LINGO2: variants seen among roughly 807,000 people sequenced by gnomAD.
LINGO2 encodes leucine-rich repeat and immunoglobulin-like domain-containing nogo receptor-interacting protein 2.
In LINGO2, 14 loss-of-function variants were observed where a neutral mutation model predicts 30.6. The ratio of observed to expected loss-of-function variants is 0.46; its 90% CI spans 0.30 to 0.72. The LOEUF is 0.72. LINGO2 is among the 30% of genes least tolerant of loss of function. The pLI, the probability that LINGO2 is intolerant of heterozygous loss-of-function variation, is 0.07. For synonymous variants in LINGO2, 317 were observed against 288.5 expected (o/e 1.10, Z -1.00); for missense variants, 729 against 751.7 (o/e 0.97, Z 0.35).
intron 5 of LINGO2, among the ~76,000 whole-genome samples, chr9:27,982,661 C>T (rs1820936452): frequency 6.6e-6 from 1 of 151,786 alleles, no homozygotes; most frequent in Non-Finnish European, 1.5e-5. Flanking sequence ...GATGTTAAAA[C>T]TGAGTAATCT....
At chr9:28,415,983 C>A (rs149747005) in intron 2 of LINGO2, among the ~76,000 whole-genome samples, 1 of 152,126 alleles carries the variant, frequency 6.6e-6, no homozygotes, top group East Asian at 1.9e-4. Flanking sequence ...ATACAATACA[C>A]CTTATTAAAC....
At chr9:28,628,959 G>C (rs573957581) in intron 1 of LINGO2, among the ~76,000 whole-genome samples, 1 of 151,992 alleles carries the variant, frequency 6.6e-6, no homozygotes, top group Admixed American at 6.6e-5. Flanking sequence ...TTTACCATTC[G>C]TAAAAGCATA....
At chr9:29,195,214 C>A in the LINGO2 span, among the ~76,000 whole-genome samples, 1 of 152,226 alleles carries the variant, frequency 6.6e-6, no homozygotes, top group Non-Finnish European at 1.5e-5. Context: ...CTCTTTTTAT[C>A]GCTGAGTTGT....
chr9:29,165,097 T>C, the LINGO2 span, among the ~76,000 whole-genome samples: 1 of 152,166 alleles, frequency 6.6e-6, no homozygotes, highest in East Asian at 1.9e-4. Context: ...TTCAAAGAAC[T>C]ACTAAGAAAA....
intron 5 of LINGO2, among the ~76,000 whole-genome samples, chr9:27,978,102 T>A (rs781486729): frequency 6.6e-6 from 1 of 152,192 alleles, no homozygotes; most frequent in South Asian, 2.1e-4. Context: ...CTGTGTGGGT[T>A]CTTTGTCCTT....
intron 1 of LINGO2, among the ~76,000 whole-genome samples, chr9:28,539,633 C>T (rs2135456247): frequency 1.3e-5 from 2 of 152,276 alleles, no homozygotes; most frequent in South Asian, 4.1e-4. Context: ...TACTGTGACT[C>T]ATACCAATAA....
the LINGO2 span, among the ~76,000 whole-genome samples, chr9:29,127,585 T>A: frequency 1.3e-5 from 2 of 152,084 alleles, no homozygotes; most frequent in African/African-American, 2.4e-5. Flanking sequence ...CTGACCATCA[T>A]CATCAGGTTC....
intron 1 of LINGO2, among the ~76,000 whole-genome samples, chr9:28,632,999 A>G (rs1225445523): frequency 1.3e-5 from 2 of 150,908 alleles, no homozygotes; most frequent in Admixed American, 6.7e-5. Flanking sequence ...CCAGCCCGAG[A>G]GCCAGCCCAA....
intron 4 of LINGO2, among the ~76,000 whole-genome samples, chr9:28,066,960 T>G (rs1356470476): frequency 1.3e-5 from 2 of 152,076 alleles, no homozygotes; most frequent in Non-Finnish European, 2.9e-5. Context: ...AAGCCTATTA[T>G]AAAATTCTAC....
At chr9:28,779,197 C>A in the LINGO2 span, among the ~76,000 whole-genome samples, 2 of 152,106 alleles carry the variant, frequency 1.3e-5, no homozygotes, top group Non-Finnish European at 1.5e-5. Flanking sequence ...TATTTCATTT[C>A]TTTAATATGT....
rs188359982 is a variant in LINGO2 at position 28,189,224 on chromosome 9, G to C, written c.-87+105984C>G. 4.2e-4 allele frequency among the ~76,000 whole-genome samples: 61 copies of C among 146,756 alleles called. 2 individuals carry two copies. Among genetic ancestry groups the C allele is most frequent in the Middle Eastern group, 7.0e-3 (2 of 284 alleles). ...TTTTTCTACCATATTAGGAAGGAAA[G>C]AAGGAAGGAAAAAAGGAAGGGAGGA... On this transcript the variant is annotated intron_variant, in intron 4 of 5. Coordinates refer to ENST00000379992, the Ensembl canonical transcript of LINGO2.
intron 1 of LINGO2, among the ~76,000 whole-genome samples, chr9:28,562,962 T>C (rs1467336632): frequency 6.6e-6 from 1 of 152,086 alleles, no homozygotes; most frequent in Non-Finnish European, 1.5e-5. Flanking sequence ...TTATCCTGCC[T>C]CAGCCTCCCA....
chr9:28,019,929 A>G (rs963484481), intron 4 of LINGO2, among the ~76,000 whole-genome samples: 2 of 152,104 alleles, frequency 1.3e-5, no homozygotes, highest in Admixed American at 6.6e-5. Context: ...AACTTAGCCA[A>G]TCTTCAGAAT....
At chr9:28,955,840 G>C in the LINGO2 span, among the ~76,000 whole-genome samples, 1 of 152,004 alleles carries the variant, frequency 6.6e-6, no homozygotes, top group East Asian at 1.9e-4. Flanking sequence ...ATAAGGTCTT[G>C]CTATGTTTCC....
At chr9:28,606,334 C>A (rs1252576517) in intron 1 of LINGO2, among the ~76,000 whole-genome samples, 1 of 151,898 alleles carries the variant, frequency 6.6e-6, no homozygotes, top group Non-Finnish European at 1.5e-5. Flanking sequence ...AGATGTCTAC[C>A]TGCTGGTGAG....
chr9:28,771,504 T>TGA, the LINGO2 span, among the ~76,000 whole-genome samples: 303 of 74,456 alleles, frequency 4.1e-3, 1 homozygote, highest in African/African-American at 0.012. Context: ...TGTGTGTGTG[T>TGA]GTGAGAGAGA....
chr9:29,014,586 T>A, the LINGO2 span, among the ~76,000 whole-genome samples: 4 of 152,218 alleles, frequency 2.6e-5, no homozygotes, highest in African/African-American at 9.6e-5. Context: ...AAAGAATAAG[T>A]GTTTTGCTCA....
rs1429462853 is a variant in LINGO2 at position 28,664,943 on chromosome 9, CA to C, written c.-365+5256del. 2.1e-5 allele frequency among the ~76,000 whole-genome samples: 3 copies of C among 144,852 alleles called. No individual in the cohort carries two copies. The East Asian group carries it at 6.3e-4, about 30-fold the overall frequency. On this transcript the variant is annotated intron_variant, in intron 1 of 5. Transcript: ENST00000379992. ...CCACACCAAAACTACCCATCTAGAA[CA>C]TAAGGTCTATGACAACAAGGACTTC...
At chr9:28,476,336 C>T (rs892365104) in intron 1 of LINGO2, among the ~76,000 whole-genome samples, 2 of 152,172 alleles carry the variant, frequency 1.3e-5, no homozygotes, top group African/African-American at 4.8e-5. Context: ...AGTGCAGTGA[C>T]ACAATGTCTG....
Sources: gnomAD v4.1 joint callset for allele counts (sites outside exome capture counted in the v4.1 genomes callset) on GRCh38, gnomAD v4.1.1 for gene constraint, MANE v1.5 for transcripts, NCBI Gene and HGNC (gene_info 2026-07-23, HGNC 2026-07-21) for gene names.